The following TRIM75 variants were observed in gnomAD, a reference collection of about 807,000 sequenced individuals.
The protein encoded by TRIM75 is tripartite motif-containing protein 75.
chr4:165,055,579 G>A, the TRIM75 span, among the ~76,000 whole-genome samples: 1 of 149,008 alleles, frequency 6.7e-6, no homozygotes, highest in African/African-American at 2.4e-5. Flanking sequence ...CACTGTGCCC[G>A]GCGATAACTA....
the TRIM75 span, among the ~76,000 whole-genome samples, chr4:165,054,153 G>T: frequency 6.6e-6 from 1 of 151,420 alleles, no homozygotes; most frequent in Non-Finnish European, 1.5e-5. Flanking sequence ...AGTGCACTGG[G>T]GTGATCTTGG....
the TRIM75 span, among the ~76,000 whole-genome samples, chr4:165,055,786 C>T: frequency 6.6e-6 from 1 of 151,960 alleles, no homozygotes; most frequent in Non-Finnish European, 1.5e-5. Flanking sequence ...GAAATTTATG[C>T]TTGATCAAGA....
chr4:165,059,602 A>C, the TRIM75 span: 5 of 780,906 alleles, frequency 6.4e-6, no homozygotes, highest in Non-Finnish European at 1.2e-5. Context: ...CAGCCCCTGA[A>C]AAAGCAATTG....
At chr4:165,056,602 C>CTGTCTCTTTTTTT in the TRIM75 span, among the ~76,000 whole-genome samples, 1 of 69,962 alleles carries the variant, frequency 1.4e-5, no homozygotes, top group African/African-American at 4.4e-5. Context: ...GTCTCTGTCT[C>CTGTCTCTTTTTTT]TTTTTTTTTT....
the TRIM75 span, among the ~76,000 whole-genome samples, chr4:165,056,586 T>TTCTCTG: frequency 2.8e-3 from 417 of 147,698 alleles, 7 homozygotes; most frequent in African/African-American, 9.9e-3. Flanking sequence ...TTCTTTTTCT[T>TTCTCTG]TCTCTGTCTC....
chr4:165,056,776 G>A, the TRIM75 span, among the ~76,000 whole-genome samples: 1 of 151,722 alleles, frequency 6.6e-6, no homozygotes. Context: ...CACCATGCCC[G>A]GCTAATTTTT....
chr4:165,056,342 G>A, the TRIM75 span, among the ~76,000 whole-genome samples: 1 of 151,592 alleles, frequency 6.6e-6, no homozygotes, highest in Non-Finnish European at 1.5e-5. Flanking sequence ...TCCAGTAAGG[G>A]TGAAATCAGC....
At chr4:165,060,324 G>A in the TRIM75 span, 3 of 780,814 alleles carry the variant, frequency 3.8e-6, no homozygotes, top group African/African-American at 3.4e-5. Flanking sequence ...GCAAGATGAT[G>A]GCTATCATGC....
At chr4:165,057,614 A>G in the TRIM75 span, among the ~76,000 whole-genome samples, 6 of 151,900 alleles carry the variant, frequency 3.9e-5, no homozygotes, top group South Asian at 1.3e-3. Flanking sequence ...GCTCACTGCA[A>G]CCGCCGCCTC....
At chr4:165,059,214 C>T in the TRIM75 span, 37 of 780,244 alleles carry the variant, frequency 4.7e-5, no homozygotes, top group African/African-American at 5.9e-4. Context: ...TCTGGATTAC[C>T]TGAGTGACCC....
At chr4:165,056,331 C>T in the TRIM75 span, among the ~76,000 whole-genome samples, 1 of 151,728 alleles carries the variant, frequency 6.6e-6, no homozygotes, top group South Asian at 2.1e-4. Flanking sequence ...TCCTGAGACC[C>T]TCCAGTAAGG....
At chr4:165,053,928 G>A in the TRIM75 span, among the ~76,000 whole-genome samples, 3 of 151,620 alleles carry the variant, frequency 2.0e-5, no homozygotes, top group Admixed American at 6.6e-5. Flanking sequence ...AAGGACCGCC[G>A]CAGAGCTCCC....
the TRIM75 span, among the ~76,000 whole-genome samples, chr4:165,056,313 G>T: frequency 6.7e-6 from 1 of 148,266 alleles, no homozygotes; most frequent in African/African-American, 2.5e-5. Flanking sequence ...TTTTTTTAAA[G>T]AAGTGATTCC....
the TRIM75 span, among the ~76,000 whole-genome samples, chr4:165,054,827 G>C: frequency 6.6e-6 from 1 of 152,172 alleles, no homozygotes; most frequent in Admixed American, 6.5e-5. Flanking sequence ...GTCCTAAGGA[G>C]TCAGAAAATG....
At chr4:165,055,737 C>A in the TRIM75 span, among the ~76,000 whole-genome samples, 4 of 152,076 alleles carry the variant, frequency 2.6e-5, no homozygotes, top group Non-Finnish European at 5.9e-5. Flanking sequence ...GATCAGCTGT[C>A]CAGAGATGCC....
chr4:165,054,520 G>T, the TRIM75 span, among the ~76,000 whole-genome samples: 5 of 151,904 alleles, frequency 3.3e-5, no homozygotes, highest in Admixed American at 2.6e-4. Context: ...ACCCGCCGTG[G>T]CCTCCCAAAG....
the TRIM75 span, chr4:165,059,573 A>G: frequency 1.3e-6 from 1 of 780,912 alleles, no homozygotes; most frequent in South Asian, 1.3e-5. Context: ...ATTATAGGAA[A>G]AGATTCTGCA....
the TRIM75 span, chr4:165,060,487 G>A: frequency 1.5e-5 from 12 of 779,098 alleles, no homozygotes; most frequent in East Asian, 7.3e-5. Context: ...GGGCCTCTTC[G>A]GCCTTATTTC....
At chr4:165,058,729 C>T in the TRIM75 span, among the ~76,000 whole-genome samples, 38 of 151,916 alleles carry the variant, frequency 2.5e-4, no homozygotes, top group Non-Finnish European at 5.3e-4. Context: ...GAGGTTAGGA[C>T]CACCTGAAAT....
Sources: gnomAD v4.1 joint callset for allele counts (sites outside exome capture counted in the v4.1 genomes callset) on GRCh38, gnomAD v4.1.1 for gene constraint, MANE v1.5 for transcripts, NCBI Gene and HGNC (gene_info 2026-07-23, HGNC 2026-07-21) for gene names.